The following RPS6KC1 variants were observed in gnomAD, a reference collection of about 807,000 sequenced individuals.
RPS6KC1 encodes ribosomal protein S6 kinase C1, also known as inactive ribosomal protein S6 kinase delta-1.
Under a neutral mutation model 103.8 loss-of-function variants are expected in RPS6KC1, and 54 were observed. That is an observed-to-expected ratio of 0.52 (90% CI 0.42 to 0.65). RPS6KC1 has a LOEUF of 0.65. Among genes scored for constraint, RPS6KC1 ranks in the 30% least tolerant of loss-of-function variants. The pLI, the probability that RPS6KC1 is intolerant of heterozygous loss-of-function variation, is 0.00. For missense variants in RPS6KC1, 1,151 were observed against 1,253.8 expected (o/e 0.92, Z 1.24); for synonymous variants, 439 against 438.7 (o/e 1.00, Z -0.01).
At chr1:213,313,866 T>G in the RPS6KC1 span, among the ~76,000 whole-genome samples, 1 of 151,926 alleles carries the variant, frequency 6.6e-6, no homozygotes, top group African/African-American at 2.4e-5. Context: ...GGCAGGAGAA[T>G]GGCGTGAACC....
At chr1:213,810,351 G>C in the RPS6KC1 span, among the ~76,000 whole-genome samples, 1 of 152,182 alleles carries the variant, frequency 6.6e-6, no homozygotes, top group East Asian at 1.9e-4. Context: ...CCTTAGGTAG[G>C]GTGGGGAGAG....
intron 6 of RPS6KC1, among the ~76,000 whole-genome samples, chr1:213,161,088 A>G (rs2090429159): frequency 6.6e-6 from 1 of 152,184 alleles, no homozygotes; most frequent in South Asian, 2.1e-4. Context: ...GTAATGTTCT[A>G]TGACAGTGCT....
At chr1:213,862,551 C>G in the RPS6KC1 span, among the ~76,000 whole-genome samples, 4 of 152,084 alleles carry the variant, frequency 2.6e-5, no homozygotes, top group Admixed American at 6.5e-5. Context: ...CTTCTTTCTT[C>G]TCCGTTTCTA....
the RPS6KC1 span, among the ~76,000 whole-genome samples, chr1:213,385,229 C>A: frequency 1.3e-5 from 2 of 152,300 alleles, no homozygotes; most frequent in South Asian, 4.1e-4. Context: ...GCCTGTGTGG[C>A]AGCAAATTGG....
At chr1:213,665,409 A>G in the RPS6KC1 span, among the ~76,000 whole-genome samples, 1 of 152,062 alleles carries the variant, frequency 6.6e-6, no homozygotes, top group African/African-American at 2.4e-5. Flanking sequence ...CACGAACACA[A>G]ATTGCCATTA....
the RPS6KC1 span, among the ~76,000 whole-genome samples, chr1:213,551,983 T>C: frequency 1.3e-5 from 2 of 152,212 alleles, no homozygotes; most frequent in African/African-American, 4.8e-5. Flanking sequence ...TTGGCTTCTT[T>C]CACTTAGTAA....
At chr1:213,230,281 C>T (rs185694505) in intron 8 of RPS6KC1, among the ~76,000 whole-genome samples, 2 of 152,016 alleles carry the variant, frequency 1.3e-5, no homozygotes, top group Admixed American at 6.6e-5. Flanking sequence ...TTCTAAAATA[C>T]GGCATTTTTA....
At chr1:213,530,783 C>A in the RPS6KC1 span, among the ~76,000 whole-genome samples, 4 of 152,176 alleles carry the variant, frequency 2.6e-5, no homozygotes, top group African/African-American at 9.7e-5. Context: ...TCTGGCCTGG[C>A]CTGTTTAATT....
the RPS6KC1 span, among the ~76,000 whole-genome samples, chr1:213,741,025 T>TATATATCTCA: frequency 1.3e-4 from 19 of 148,318 alleles, no homozygotes; most frequent in African/African-American, 4.2e-4. Context: ...CACACACATA[T>TATATATCTCA]GTGTGTATAC....
the RPS6KC1 span, among the ~76,000 whole-genome samples, chr1:213,628,166 A>G: frequency 2.0e-5 from 3 of 152,172 alleles, no homozygotes; most frequent in East Asian, 1.9e-4. Context: ...GTATGTGTCG[A>G]GGAATTTATC....
At chr1:213,398,103 C>T in the RPS6KC1 span, among the ~76,000 whole-genome samples, 1 of 151,482 alleles carries the variant, frequency 6.6e-6, no homozygotes, top group Non-Finnish European at 1.5e-5. Flanking sequence ...GCGATCTCGG[C>T]TCACTGAAAC....
chr1:213,753,976 G>A, the RPS6KC1 span, among the ~76,000 whole-genome samples: 3 of 152,098 alleles, frequency 2.0e-5, no homozygotes, highest in Non-Finnish European at 4.4e-5. Context: ...CTGAAGCCCT[G>A]GGAGGGCGGA....
At chr1:213,437,457 T>G in the RPS6KC1 span, among the ~76,000 whole-genome samples, 15 of 152,046 alleles carry the variant, frequency 9.9e-5, no homozygotes, top group Non-Finnish European at 2.2e-4. Flanking sequence ...AACCGCTTGT[T>G]TTTTTACTCT....
chr1:213,428,476 C>CCTT, the RPS6KC1 span, among the ~76,000 whole-genome samples: 106 of 30,674 alleles, frequency 3.5e-3, 3 homozygotes, highest in Admixed American at 0.013. Context: ...CTCCCTCCCT[C>CCTT]CCTCCCTTCC....
At chr1:213,650,578 C>A in the RPS6KC1 span, among the ~76,000 whole-genome samples, 2 of 152,164 alleles carry the variant, frequency 1.3e-5, no homozygotes, top group Non-Finnish European at 2.9e-5. Flanking sequence ...GCCCCCTCTG[C>A]CAAGAGTTTT....
intron 10 of RPS6KC1, among the ~76,000 whole-genome samples, chr1:213,238,381 G>T (rs1010220644): frequency 2.6e-5 from 4 of 152,144 alleles, no homozygotes; most frequent in Non-Finnish European, 4.4e-5. Flanking sequence ...TGTTGAGTAG[G>T]GGGAGAGGAC....
At chr1:213,749,625 G>C in the RPS6KC1 span, among the ~76,000 whole-genome samples, 1 of 152,226 alleles carries the variant, frequency 6.6e-6, no homozygotes, top group Admixed American at 6.5e-5. Flanking sequence ...GGCACTGCAG[G>C]GTGCCAAGAG....
intron 5 of RPS6KC1, among the ~76,000 whole-genome samples, chr1:213,120,566 G>A (rs757736330): frequency 6.6e-6 from 1 of 152,110 alleles, no homozygotes; most frequent in Non-Finnish European, 1.5e-5. Context: ...CCACAGGTAC[G>A]CAGTGAAATG....
chr1:213,496,552 G>C, the RPS6KC1 span, among the ~76,000 whole-genome samples: 1 of 152,110 alleles, frequency 6.6e-6, no homozygotes, highest in African/African-American at 2.4e-5. Flanking sequence ...GAGGTCAAGG[G>C]TTTGAGACCA....
Sources: gnomAD v4.1 joint callset for allele counts (sites outside exome capture counted in the v4.1 genomes callset) on GRCh38, gnomAD v4.1.1 for gene constraint, MANE v1.5 for transcripts, NCBI Gene and HGNC (gene_info 2026-07-23, HGNC 2026-07-21) for gene names.